TUSC3: variants seen among roughly 807,000 people sequenced by gnomAD.
The protein encoded by TUSC3 is tumor suppressor candidate 3.
In TUSC3, 45 loss-of-function variants were observed where a neutral mutation model predicts 44.8. That is an observed-to-expected ratio of 1.00 (90% CI 0.79 to 1.29). The LOEUF is 1.29. TUSC3 is among the 50% of genes most tolerant of loss of function. The pLI is 0.00. For missense variants in TUSC3, 519 were observed against 437.9 expected, an observed-to-expected ratio of 1.19 and a Z score of -1.65; for synonymous variants, 212 against 152.9, an observed-to-expected ratio of 1.39 and a Z score of -2.85.
chr8:15,574,580 C>T (rs1037693672), intron 1 of TUSC3, among the ~76,000 whole-genome samples: 1 of 152,104 alleles, frequency 6.6e-6, no homozygotes, highest in African/African-American at 2.4e-5. Flanking sequence ...TCAGCTGCCT[C>T]TTCACCCCTT....
intron 2 of TUSC3, among the ~76,000 whole-genome samples, chr8:15,645,324 C>T (rs1806574449): frequency 6.6e-6 from 1 of 152,124 alleles, no homozygotes; most frequent in African/African-American, 2.4e-5. Context: ...ACATTCCAGA[C>T]AGGGTAGTCT....
intron 1 of TUSC3, among the ~76,000 whole-genome samples, chr8:15,426,698 G>A (rs1799808511): frequency 6.6e-6 from 1 of 152,204 alleles, no homozygotes; most frequent in African/African-American, 2.4e-5. Context: ...GAACATGGGT[G>A]AAGCTATCTC....
At position 15,623,139 on chromosome 8, in the gene TUSC3, C is replaced by T. The variant is rs1216290704; in HGVS notation, c.198C>T (p.Phe66=). 6.2e-7 allele frequency: 1 copy of T among 1,613,692 alleles called. No individual in the cohort carries two copies. The highest frequency in any genetic ancestry group is 1.3e-5 in the African/African-American group (1 of 74,890). ...AATGGAGTTCCAGACGCTCAATCTT[C>T]CGAATGAATGGTGATAAATTCCGAA... is the stretch of plus-strand genomic sequence containing the variant. ...LMEWSSRRSI[F]RMNGDKFRKF... The change falls in exon 2 of 11, where the codon TTC becomes TTT. Residue 66 remains phenylalanine, a synonymous_variant. Coordinates refer to ENST00000503731, the MANE Select transcript of TUSC3 (RefSeq NM_006765.4).
chr8:15,800,381 T>C, the TUSC3 span, among the ~76,000 whole-genome samples: 2 of 152,086 alleles, frequency 1.3e-5, no homozygotes, highest in Non-Finnish European at 2.9e-5. Context: ...GAGACCAGCC[T>C]GCGCAACATA....
chr8:15,837,700 G>A, the TUSC3 span, among the ~76,000 whole-genome samples: 1 of 152,058 alleles, frequency 6.6e-6, no homozygotes, highest in Non-Finnish European at 1.5e-5. Context: ...TAGTGTTCTA[G>A]CTTCAGAGTC....
At chr8:15,543,185 G>C (rs1026484561) in intron 1 of TUSC3, among the ~76,000 whole-genome samples, 1 of 152,092 alleles carries the variant, frequency 6.6e-6, no homozygotes, top group Non-Finnish European at 1.5e-5. Context: ...GATAAGATTT[G>C]GCACAATGGA....
At chr8:15,593,211 G>C (rs1319018309) in intron 1 of TUSC3, among the ~76,000 whole-genome samples, 1 of 152,036 alleles carries the variant, frequency 6.6e-6, no homozygotes, top group African/African-American at 2.4e-5. Flanking sequence ...TCAGCCTCCT[G>C]AGTAGCTGGG....
At chr8:15,711,867 T>G (rs10102177) in intron 6 of TUSC3, among the ~76,000 whole-genome samples, 56,749 of 151,562 alleles carry the variant, frequency 0.37, 11,031 homozygotes, top group East Asian at 0.5. Flanking sequence ...TATAGCTTCC[T>G]CCTCCCTGCC....
the TUSC3 span, among the ~76,000 whole-genome samples, chr8:15,843,621 T>TATATATATATATATATATACACACACAC: frequency 1.4e-5 from 2 of 146,768 alleles, no homozygotes; most frequent in African/African-American, 5.3e-5. Context: ...TATATATATA[T>TATATATATATATATATATACACACACAC]ACACGCACAT....
chr8:15,666,656 T>C (rs1349384702), intron 5 of TUSC3, among the ~76,000 whole-genome samples: 1 of 151,478 alleles, frequency 6.6e-6, no homozygotes, highest in Admixed American at 6.6e-5. Context: ...AATAAAATTA[T>C]ATAACTTTTA....
chr8:15,493,905 A>G (rs950464270), intron 2 of TUSC3, among the ~76,000 whole-genome samples: 2 of 152,226 alleles, frequency 1.3e-5, no homozygotes, highest in African/African-American at 4.8e-5. Flanking sequence ...GATGATTTCC[A>G]CTAAAAAGAC....
intron 2 of TUSC3, among the ~76,000 whole-genome samples, chr8:15,637,382 A>G (rs1157351752): frequency 2.0e-5 from 3 of 152,056 alleles, no homozygotes; most frequent in African/African-American, 7.2e-5. Context: ...TGCTTTTTTG[A>G]AACATACTGG....
rs551282580 is a variant in TUSC3 at position 15,745,188 on chromosome 8, T to C, written c.937+1576T>C. 1.2e-4 allele frequency among the ~76,000 whole-genome samples: 19 copies of C among 152,210 alleles called. No individual in the cohort carries two copies. The East Asian group carries it at 2.5e-3, about 20-fold the overall frequency. ...CACATTTTCTTTATCTAGTCCGTCA[T>C]TGATGTGGTATATATGTACCATGGA... is the stretch of plus-strand genomic sequence containing the variant. On this transcript the variant is annotated intron_variant, in intron 8 of 10. Transcript: ENST00000503731.
At chr8:15,434,725 C>T (rs1799923491) in intron 1 of TUSC3, among the ~76,000 whole-genome samples, 1 of 151,814 alleles carries the variant, frequency 6.6e-6, no homozygotes, top group African/African-American at 2.4e-5. Context: ...GTGATATTCC[C>T]CTTGCTGTGT....
At chr8:15,493,867 C>G (rs1232447578) in intron 2 of TUSC3, among the ~76,000 whole-genome samples, 1 of 152,180 alleles carries the variant, frequency 6.6e-6, no homozygotes, top group Non-Finnish European at 1.5e-5. Flanking sequence ...CTAAATATCA[C>G]CCTTCTTCAT....
intron 1 of TUSC3, among the ~76,000 whole-genome samples, chr8:15,618,587 T>G (rs1002344799): frequency 3.3e-5 from 5 of 152,144 alleles, no homozygotes; most frequent in African/African-American, 1.2e-4. Flanking sequence ...TAGGATAACA[T>G]TCTCTTCTGG....
chr8:15,417,966 T>A (rs75712069), intron 1 of TUSC3, among the ~76,000 whole-genome samples: 4,995 of 152,220 alleles, frequency 0.033, 273 homozygotes, highest in African/African-American at 0.11. Context: ...AAACAATTAT[T>A]AAAACTCTAC....
At position 15,750,771 on chromosome 8, in the gene TUSC3, A is replaced by G. The variant is rs142164102; in HGVS notation, c.1028+2306A>G. 1.0e-2 allele frequency among the ~76,000 whole-genome samples: 1,522 copies of G among 152,240 alleles called. 24 individuals carry two copies. Among genetic ancestry groups the G allele is most frequent in the African/African-American group, 0.035 (1,434 of 41,526 alleles). On this transcript the variant is annotated intron_variant, in intron 9 of 10. Transcript: ENST00000503731. The stretch of plus-strand genomic sequence containing the variant: ...ACAGTCTTCTTATGTAACCAGCCCC[A>G]CACTCCTGTCAGCTCCCCACCAGCC...
At chr8:15,737,257 T>C (rs963619249) in intron 7 of TUSC3, among the ~76,000 whole-genome samples, 11 of 152,224 alleles carry the variant, frequency 7.2e-5, no homozygotes, top group African/African-American at 2.6e-4. Flanking sequence ...TGTGCTAACA[T>C]TTTTTTCAAC....
Sources: allele counts gnomAD v4.1 joint callset (sites outside exome capture counted in the v4.1 genomes callset), GRCh38; gene constraint gnomAD v4.1.1; transcripts MANE v1.5; gene names NCBI Gene and HGNC (gene_info 2026-07-23, HGNC 2026-07-21).